Variants in ATF7IP2 observed in about 807,000 individuals in gnomAD.
The protein encoded by ATF7IP2 is activating transcription factor 7 interacting protein 2.
A neutral mutation model predicts 64.2 loss-of-function variants in ATF7IP2; 42 were observed. The ratio of observed to expected loss-of-function variants is 0.65; its 90% CI spans 0.51 to 0.85. The LOEUF (loss-of-function observed/expected upper bound fraction) is 0.85. Ranked by LOEUF, ATF7IP2 falls within the 40% of genes least tolerant of loss-of-function variation. The pLI is 0.00. For missense variants in ATF7IP2, 933 were observed against 784.2 expected (o/e 1.19, Z -2.27); for synonymous variants, 308 against 272.8 (o/e 1.13, Z -1.27).
intron 1 of ATF7IP2, among the ~76,000 whole-genome samples, chr16:10,409,223 G>A (rs919607681): frequency 7.2e-5 from 11 of 152,124 alleles, no homozygotes; most frequent in African/African-American, 1.9e-4. Context: ...GTGGTGGGAC[G>A]TGTGGTTTCG....
chr16:10,430,721 A>C lies in ATF7IP2; in HGVS notation c.101A>C (p.Asn34Thr), dbSNP rs1330247281. The C allele has an allele frequency of 6.2e-7, 1 of 1,613,992 alleles. No homozygotes were observed. Among genetic ancestry groups the C allele is most frequent in the Non-Finnish European group, 8.5e-7 (1 of 1,180,010 alleles). Reference sequence around the variant, plus strand: ...GTAGAGATGCTGAATAAGTCAAGGAATGTTGAAGCGCTGAAAACAGCAATT... The same window carrying C: ...GTAGAGATGCTGAATAAGTCAAGGACTGTTGAAGCGCTGAAAACAGCAATT... ...KQVEMLNKSR[N>T]VEALKTAIGS... Residue 34 changes from asparagine (N) to threonine (T), a missense_variant, in exon 5 of 14, where the codon AAT (asparagine) becomes ACT (threonine). Asn to Thr is a moderately conservative substitution (Grantham distance 65). Coordinates refer to ENST00000562102, the MANE Select transcript of ATF7IP2 (RefSeq NM_001393719.1).
intron 9 of ATF7IP2, among the ~76,000 whole-genome samples, chr16:10,469,774 C>CA (rs2049720935): frequency 6.6e-6 from 1 of 151,142 alleles, no homozygotes; most frequent in African/African-American, 2.4e-5. Flanking sequence ...AACACCGTCT[C>CA]AAAAAACAAA....
At chr16:10,446,884 C>T (rs186247602) in intron 8 of ATF7IP2, 2 of 152,098 alleles carry the variant, frequency 1.3e-5, no homozygotes, top group Admixed American at 6.6e-5. Flanking sequence ...GGCTCAATGC[C>T]CCCCTGCTGG....
chr16:10,411,370 TTTG>T lies in ATF7IP2; in HGVS notation c.-241-3183_-241-3181del, dbSNP rs3083563. Among the ~76,000 whole-genome samples the T allele has an allele frequency of 1.1e-3, 151 of 141,066 alleles. 2 individuals carry two copies. Among genetic ancestry groups the T allele is most frequent in the Middle Eastern group, 7.2e-3 (2 of 278 alleles). The allele number at this position is 141,066 out of a possible 152,430, so 92.5% of individuals were successfully genotyped here. On this transcript the variant is annotated intron_variant, in intron 1 of 13. Coordinates refer to ENST00000562102, the MANE Select transcript of ATF7IP2 (RefSeq NM_001393719.1). ...CTTTTTGTTTTTTTTTTTTTGGTGT[TTTG>T]TTGTTGTTGTTGTTGTTGTTTTGTT...
intron 1 of ATF7IP2, among the ~76,000 whole-genome samples, chr16:10,409,349 A>G (rs1481389697): frequency 1.3e-5 from 2 of 152,194 alleles, no homozygotes; most frequent in African/African-American, 2.4e-5. Flanking sequence ...AGAACAAGAA[A>G]GTTGAGTTTG....
chr16:10,409,228 G>A (rs928725980), intron 1 of ATF7IP2, among the ~76,000 whole-genome samples: 11 of 152,140 alleles, frequency 7.2e-5, no homozygotes, highest in African/African-American at 2.7e-4. Flanking sequence ...GGGACGTGTG[G>A]TTTCGAAGGG....
chr16:10,430,440 T>A (rs1464161963), intron 4 of ATF7IP2, among the ~76,000 whole-genome samples, 171 bp from the exon 5 acceptor site: 1 of 152,208 alleles, frequency 6.6e-6, no homozygotes, highest in Admixed American at 6.5e-5. Flanking sequence ...AAAAGATTTT[T>A]ATGTTTTCAG....
chr16:10,429,248 C>T (rs766916709), intron 4 of ATF7IP2, among the ~76,000 whole-genome samples: 5 of 152,128 alleles, frequency 3.3e-5, no homozygotes, highest in African/African-American at 4.8e-5. Flanking sequence ...TCATATAATA[C>T]ACAGTCCTAT....
intron 6 of ATF7IP2, among the ~76,000 whole-genome samples, chr16:10,436,404 AT>A (rs987768922): frequency 9.2e-5 from 14 of 152,066 alleles, no homozygotes; most frequent in African/African-American, 3.4e-4. Context: ...TTTTTTTTAA[AT>A]AATACATTTT....
At chr16:10,388,217 T>A (rs2047243400) in intron 1 of ATF7IP2, among the ~76,000 whole-genome samples, 1 of 152,168 alleles carries the variant, frequency 6.6e-6, no homozygotes, top group Admixed American at 6.5e-5. Context: ...ATCATTTAGA[T>A]AATTATTCTG....
Position 10,431,248 on chromosome 16 carries a change from C to T in ATF7IP2, c.628C>T (p.His210Tyr). 1 of 1,614,144 alleles carries T rather than the reference C, an allele frequency of 6.2e-7. No homozygotes were observed. Among genetic ancestry groups the T allele is most frequent in the Non-Finnish European group, 8.5e-7 (1 of 1,180,004 alleles). Residue 210 changes from histidine (H) to tyrosine (Y), a missense_variant, in exon 5 of 14, where the codon CAT becomes TAT. Physicochemically the swap from His to Tyr is moderately conservative, Grantham distance 83 (BLOSUM62 2). Transcript: ENST00000562102. ...AGAAACAAACTCCAATTCAGAATCA[C>T]ATGATAAAAGGCAAAGTGACAACAT... is the stretch of plus-strand genomic sequence containing the variant. The part of the protein sequence containing the change: ...HLETNSNSES[H>Y]DKRQSDNILC...
intron 3 of ATF7IP2, among the ~76,000 whole-genome samples, chr16:10,422,041 C>G (rs1385298251): frequency 6.6e-6 from 1 of 152,220 alleles, no homozygotes; most frequent in East Asian, 1.9e-4. Context: ...ATTAATGGCC[C>G]TTAAGTCAGT....
intron 8 of ATF7IP2, among the ~76,000 whole-genome samples, chr16:10,450,480 C>T (rs978748955): frequency 6.6e-6 from 1 of 152,114 alleles, no homozygotes; most frequent in Admixed American, 6.5e-5. Flanking sequence ...TAAGAACTTG[C>T]TTTATGAATC....
chr16:10,475,886 T>G (rs2049992224), intron 12 of ATF7IP2, among the ~76,000 whole-genome samples: 1 of 152,182 alleles, frequency 6.6e-6, no homozygotes, highest in African/African-American at 2.4e-5. Flanking sequence ...AAGTCTCAAC[T>G]ATGATTACAA....
chr16:10,448,836 C>G (rs1001002781), intron 8 of ATF7IP2: 2 of 152,136 alleles, frequency 1.3e-5, no homozygotes, highest in African/African-American at 4.8e-5. Flanking sequence ...CCAGAACTTC[C>G]AATACTATGT....
At chr16:10,459,510 G>T (rs1354140665) in intron 9 of ATF7IP2, among the ~76,000 whole-genome samples, 1 of 151,652 alleles carries the variant, frequency 6.6e-6, no homozygotes, top group Admixed American at 6.6e-5. Flanking sequence ...AGCTGGGCAT[G>T]GTGGTGCATG....
In ATF7IP2 at chr16:10,399,648, C is replaced by T. The variant is rs538643436; in HGVS notation, c.-242+13526C>T. Among the ~76,000 whole-genome samples the T allele has an allele frequency of 3.7e-4, 57 of 152,226 alleles. No homozygotes were observed. The East Asian group carries it at 4.4e-3, about 12-fold the overall frequency. ...AATATCTTCAGCTTTATTGTTTTAG[C>T]TTAGGATTGCTTTGGCTATTTGGGC... On this transcript the variant is annotated intron_variant, in intron 1 of 13. Transcript: ENST00000562102.
intron 12 of ATF7IP2, among the ~76,000 whole-genome samples, chr16:10,480,096 C>A (rs1015169661): frequency 2.0e-5 from 3 of 147,542 alleles, no homozygotes; most frequent in African/African-American, 7.5e-5. Context: ...TTAAGCAATT[C>A]TCTGTCTCAG....
At chr16:10,474,962 G>C (rs2142083727) in intron 12 of ATF7IP2, among the ~76,000 whole-genome samples, 1 of 152,268 alleles carries the variant, frequency 6.6e-6, no homozygotes, top group African/African-American at 2.4e-5. Flanking sequence ...CAGGAGGATG[G>C]CTTGAGGCCA....
Sources: gnomAD v4.1 joint callset for allele counts (sites outside exome capture counted in the v4.1 genomes callset) on GRCh38, gnomAD v4.1.1 for gene constraint, MANE v1.5 for transcripts, NCBI Gene and HGNC (gene_info 2026-07-23, HGNC 2026-07-21) for gene names.